The following PIGN variants were observed in gnomAD, a reference collection of about 807,000 sequenced individuals.
PIGN encodes the protein GPI ethanolamine phosphate transferase 1.
Under a neutral mutation model 125.4 loss-of-function variants are expected in PIGN, and 117 were observed. That is an observed-to-expected ratio of 0.93 (90% confidence interval 0.80 to 1.09). PIGN has a LOEUF of 1.09. PIGN is among the 50% of genes least tolerant of loss of function. PIGN has a pLI of 0.00. For missense variants in PIGN, 1,075 were observed against 1,094.9 expected (o/e 0.98, Z 0.26); for synonymous variants, 392 against 377.8 (o/e 1.04, Z -0.44).
At chr18:62,058,880 C>T (rs11663976) in intron 30 of PIGN, 52,295 of 151,784 alleles carry the variant, frequency 0.34, 10,037 homozygotes, top group East Asian at 0.7. Flanking sequence ...TTGGTACCAG[C>T]TCCTGAGATT....
chr18:62,127,901 G>A (rs1190319261), intron 14 of PIGN, among the ~76,000 whole-genome samples: 3 of 152,010 alleles, frequency 2.0e-5, no homozygotes, highest in African/African-American at 7.2e-5. Context: ...GGAAGGAGAA[G>A]ATAGGACTGA....
At chr18:62,108,586 T>A (rs1190325558) in intron 17 of PIGN, among the ~76,000 whole-genome samples, 3 of 140,290 alleles carry the variant, frequency 2.1e-5, no homozygotes, top group African/African-American at 7.6e-5. Context: ...ATTTTTGATA[T>A]TTTTAAGTTA....
intron 1 of PIGN, among the ~76,000 whole-genome samples, chr18:62,172,188 C>CA (rs2037366434): frequency 6.6e-6 from 1 of 151,984 alleles, no homozygotes; most frequent in African/African-American, 2.4e-5. Flanking sequence ...AGTAAGCTTT[C>CA]GTAGTTTTTA....
intron 25 of PIGN, among the ~76,000 whole-genome samples, chr18:62,086,497 G>A (rs758576889): frequency 6.6e-6 from 1 of 151,990 alleles, no homozygotes; most frequent in Non-Finnish European, 1.5e-5. Flanking sequence ...CACGCCTATA[G>A]TCCCAGCTAC....
chr18:62,148,554 C>T (rs1389307954), intron 7 of PIGN, among the ~76,000 whole-genome samples: 1 of 151,692 alleles, frequency 6.6e-6, no homozygotes, highest in East Asian at 1.9e-4. Context: ...TATAATAAGG[C>T]CAAAAAAAGA....
At chr18:62,035,479 C>A (rs1417483735) in intron 23 of PIGN, among the ~76,000 whole-genome samples, 3 of 152,162 alleles carry the variant, frequency 2.0e-5, no homozygotes, top group Non-Finnish European at 4.4e-5. Flanking sequence ...ACAGTTCAAT[C>A]TTGTTTTTTC....
In PIGN at chr18:62,114,583, T is replaced by C; in HGVS notation, c.1229A>G (p.Lys410Arg). 3 of 1,520,628 alleles carry C rather than the reference T, an allele frequency of 2.0e-6. No individual in the cohort carries two copies. The highest frequency in any genetic ancestry group is 2.7e-6 in the Non-Finnish European group (3 of 1,118,758). 94.2% of individuals were successfully genotyped at this position (1,520,628 alleles called of 1,614,324 possible). ...NILRKARSYI[K>R]HRKFDEVVSL... is the part of the protein sequence containing the mutation. ...TACCACTTCATCAAACTTTCTGTGTTTTATATAAGATCTTGCTTTTCTTAA... is the reference window on the plus strand; with the variant it reads ...TACCACTTCATCAAACTTTCTGTGTCTTATATAAGATCTTGCTTTTCTTAA... Residue 410 changes from lysine to arginine, a missense_variant, in exon 15 of 31, where the codon AAA (lysine) becomes AGA (arginine). Lys to Arg is a conservative substitution (Grantham distance 26). Transcript: ENST00000640252.
chr18:62,170,170 C>T (rs12457024), intron 1 of PIGN, among the ~76,000 whole-genome samples: 88,651 of 151,940 alleles, frequency 0.58, 26,641 homozygotes, highest in East Asian at 0.79. Context: ...ACCATTTGTA[C>T]GGATTTAATT....
intron 14 of PIGN, among the ~76,000 whole-genome samples, chr18:62,121,884 T>A (rs938193687): frequency 3.5e-5 from 5 of 142,460 alleles, no homozygotes; most frequent in Non-Finnish European, 6.2e-5. Flanking sequence ...TAGATATATA[T>A]ACCTAGTAGT....
chr18:62,084,460 CTCTG>C, intron 27 of PIGN, 67 bp downstream of exon 27: 2 of 977,918 alleles, frequency 2.0e-6, no homozygotes, highest in Non-Finnish European at 3.1e-6. Context: ...TGCTACTTAA[CTCTG>C]TCTAAATGAC....
chr18:62,083,839 A>T (rs1209470585), intron 27 of PIGN, among the ~76,000 whole-genome samples: 1 of 152,190 alleles, frequency 6.6e-6, no homozygotes, highest in African/African-American at 2.4e-5. Flanking sequence ...AAAAGTAGAC[A>T]TTAATCCTAT....
intron 23 of PIGN, among the ~76,000 whole-genome samples, chr18:62,022,999 G>A (rs1409258865): frequency 6.6e-6 from 1 of 152,132 alleles, no homozygotes; most frequent in Non-Finnish European, 1.5e-5. Flanking sequence ...ATGTTCTACT[G>A]TATTGTTCAG....
chr18:62,062,337 T>C (rs535770109), intron 30 of PIGN, among the ~76,000 whole-genome samples: 2 of 152,344 alleles, frequency 1.3e-5, no homozygotes, highest in East Asian at 3.9e-4. Flanking sequence ...ATTTGTTCAG[T>C]GCCATCAGCC....
chr18:62,103,115 G>A (rs985311617), intron 20 of PIGN, among the ~76,000 whole-genome samples: 2 of 152,180 alleles, frequency 1.3e-5, no homozygotes, highest in South Asian at 2.1e-4. Context: ...TAAAGATACT[G>A]CTGGATGGGG....
At chr18:62,170,546 A>G (rs1462578724) in intron 1 of PIGN, among the ~76,000 whole-genome samples, 1 of 152,222 alleles carries the variant, frequency 6.6e-6, no homozygotes, top group Non-Finnish European at 1.5e-5. Flanking sequence ...GGTTCCACCA[A>G]CTGGCCATCC....
rs150734221 is a variant in PIGN at position 62,101,766 on chromosome 18, G to A, written c.1969-583C>T. On this transcript the variant is annotated intron_variant, in intron 21 of 30. Coordinates refer to ENST00000640252, the MANE Select transcript of PIGN (RefSeq NM_176787.5). Reference sequence around the variant, plus strand: ...AAATTTTTTGAGAACACTCATATGAGTTTTGCTTTTTGTGTGTGGTCTAGA... The same window carrying A: ...AAATTTTTTGAGAACACTCATATGAATTTTGCTTTTTGTGTGTGGTCTAGA... Among the ~76,000 whole-genome samples, 241 of 152,184 alleles carry A rather than the reference G, an allele frequency of 1.6e-3. 1 individual carries two copies. Among genetic ancestry groups the A allele is most frequent in the African/African-American group, 5.4e-3 (225 of 41,524 alleles).
chr18:62,111,453 A>G (rs2034876952), intron 16 of PIGN, among the ~76,000 whole-genome samples: 1 of 152,070 alleles, frequency 6.6e-6, no homozygotes, highest in Admixed American at 6.6e-5. Context: ...TCGTCACCCT[A>G]AAGTCAGCTC....
At chr18:62,030,606 T>G (rs2030182461) in intron 23 of PIGN, among the ~76,000 whole-genome samples, 1 of 152,234 alleles carries the variant, frequency 6.6e-6, no homozygotes. Context: ...AGTAGTGAAC[T>G]CCACCTTTAG....
At chr18:62,084,506 C>A in intron 27 of PIGN, 25 bp downstream of exon 27, 1 of 1,390,574 alleles carries the variant, frequency 7.2e-7, no homozygotes, top group Non-Finnish European at 9.9e-7. Context: ...TAGCTTAAGA[C>A]AAATAACAAA....
Sources: gnomAD v4.1 joint callset for allele counts (sites outside exome capture counted in the v4.1 genomes callset) on GRCh38, gnomAD v4.1.1 for gene constraint, MANE v1.5 for transcripts, NCBI Gene and HGNC (gene_info 2026-07-23, HGNC 2026-07-21) for gene names.